Variants in SLC25A23 observed in about 807,000 individuals in gnomAD.
SLC25A23 encodes solute carrier family 25 member 23, also known as mitochondrial adenyl nucleotide antiporter SLC25A23.
SLC25A23 carries 32 observed loss-of-function variants against 53.9 expected under a neutral mutation model. The ratio of observed to expected loss-of-function variants is 0.59; its 90% CI spans 0.45 to 0.80. The LOEUF (loss-of-function observed/expected upper bound fraction) is 0.80, where lower values mean the gene tolerates loss of function less well. Ranked by LOEUF, SLC25A23 falls within the 30% of genes least tolerant of loss-of-function variation. SLC25A23 has a pLI of 0.00. For missense variants in SLC25A23, 575 were observed against 651.4 expected (o/e 0.88, Z 1.28); for synonymous variants, 275 against 264.5 (o/e 1.04, Z -0.38).
Position 6,458,266 on chromosome 19 carries a change from G to A in SLC25A23, c.215C>T (p.Ser72Phe). ...CTGTTCCCGCTCCTGCAGATAGCGG[G>A]AAAATTCCTCCAGGTCGAGCCCGCC... ...PDGGLDLEEF[S>F]RYLQEREQRL... is the part of the protein sequence containing the mutation. Residue 72 changes from serine to phenylalanine, a missense_variant, in exon 2 of 10, where the codon TCC becomes TTC. Ser to Phe is a radical substitution (Grantham distance 155, BLOSUM62 -2). Transcript: ENST00000301454. 1.1e-5 allele frequency: 17 copies of A among 1,613,630 alleles called. No individual in the cohort carries two copies. The highest frequency in any genetic ancestry group is 1.4e-5 in the Non-Finnish European group (17 of 1,179,980).
At position 6,443,177 on chromosome 19, in the gene SLC25A23, G is replaced by A. The variant is rs2092448933; in HGVS notation, c.1222+974C>T. ...TAGTCTCGAACTCCTGACCTCAGGT[G>A]ATCCACCCACCTAGGCCTCCCAAGG... On this transcript the variant is annotated intron_variant, in intron 9 of 9. Transcript: ENST00000301454. 5.3e-5 allele frequency among the ~76,000 whole-genome samples: 8 copies of A among 152,084 alleles called. No individual in the cohort carries two copies. In the South Asian group the frequency reaches 1.7e-3, roughly 32 times the overall value.
At chr19:6,443,791 A>T in intron 9 of SLC25A23, 1 of 602,242 alleles carries the variant, frequency 1.7e-6, no homozygotes, top group South Asian at 2.0e-5. Context: ...AGACAAAAAC[A>T]ATAACCACTC....
intron 7 of SLC25A23, 197 bp from the exon 8 acceptor site, chr19:6,452,676 C>T: frequency 1.8e-6 from 1 of 560,712 alleles, no homozygotes; most frequent in Admixed American, 3.8e-5. Flanking sequence ...AAAGTGCACA[C>T]ATGTGGCACC....
chr19:6,437,405 T>C (rs184274584), downstream of SLC25A23, among the ~76,000 whole-genome samples: 81 of 152,280 alleles, frequency 5.3e-4, no homozygotes, highest in Non-Finnish European at 1.0e-3. Flanking sequence ...CCCAGTAACC[T>C]GCAAATGTGA....
chr19:6,458,948 G>A (rs1211418617), intron 1 of SLC25A23, among the ~76,000 whole-genome samples: 4 of 152,214 alleles, frequency 2.6e-5, no homozygotes, highest in Non-Finnish European at 5.9e-5. Flanking sequence ...CTTGTTATAG[G>A]TGCATTCCCA....
At chr19:6,439,426 C>CACACACACACACACACACACAG (rs774234682), downstream of SLC25A23, among the ~76,000 whole-genome samples, 11 of 151,104 alleles carry the variant, frequency 7.3e-5, no homozygotes, top group African/African-American at 2.2e-4. Flanking sequence ...CACACACACA[C>CACACACACACACACACACACAG]ACACACACAG....
chr19:6,441,730 G>A lies in SLC25A23; in HGVS notation c.*245C>T. On this transcript the variant is annotated 3_prime_UTR_variant, in exon 10 of 10. Transcript: ENST00000301454. ...GGATCCACAGTTATGGTTACAGGGG[G>A]ATCTGGGATCTAGTGGCTGAAGGGT... 1 of 548,462 alleles carries A rather than the reference G, an allele frequency of 1.8e-6. No homozygotes were observed. Among genetic ancestry groups the A allele is most frequent in the Non-Finnish European group, 3.3e-6 (1 of 304,514 alleles). 34.0% of individuals were successfully genotyped at this position (548,462 alleles called of 1,614,324 possible). A position where few individuals can be genotyped will look rare whatever the true frequency, so the allele number is the denominator to read the frequency against.
downstream of SLC25A23, among the ~76,000 whole-genome samples, chr19:6,437,418 T>A (rs2092340267): frequency 6.6e-6 from 1 of 152,208 alleles, no homozygotes; most frequent in African/African-American, 2.4e-5. Flanking sequence ...AAATGTGACC[T>A]TATTTGGAAA....
In SLC25A23 at chr19:6,459,724, T is replaced by A. The variant is rs2092736563; in HGVS notation, c.-96A>T. On this transcript the variant is annotated 5_prime_UTR_variant, in exon 1 of 10. Transcript: ENST00000301454. The surrounding 1 kb of genome is among the most constrained non-coding windows in gnomAD (Gnocchi z 4.6). ...CCCCCCGGGACCCCGCAGGGTCAGC[T>A]CCCGCGGCCGCCGGCTCCGCAGCCT... The A allele has an allele frequency of 9.4e-7, 1 of 1,067,474 alleles. No individual in the cohort carries two copies. Among genetic ancestry groups the A allele is most frequent in the African/African-American group, 1.7e-5 (1 of 59,920 alleles). The allele number at this position is 1,067,474 out of a possible 1,614,324, so 66.1% of individuals were successfully genotyped here.
At chr19:6,445,254 G>A (rs192313807) in intron 8 of SLC25A23, among the ~76,000 whole-genome samples, 19 of 152,250 alleles carry the variant, frequency 1.2e-4, no homozygotes, top group African/African-American at 4.1e-4. Flanking sequence ...GATTACAAGC[G>A]TGTGCCATCA....
rs2092729107 is a variant in SLC25A23, at chr19:6,459,416, G to C, written c.156+57C>G. ...CTCCGGCCGCCCAGTTCAGGGGCTT[G>C]GGTAACCGGGAGCGGGCGGGGCCGG... On this transcript the variant is annotated intron_variant, in intron 1 of 9. Coordinates refer to ENST00000301454, the MANE Select transcript of SLC25A23 (RefSeq NM_024103.3). This position sits in a 1 kb window ranked among gnomAD's most constrained non-coding sequence, Gnocchi z 4.6. The C allele has an allele frequency of 4.1e-6, 6 of 1,477,978 alleles. No individual in the cohort carries two copies. Among genetic ancestry groups the C allele is most frequent in the South Asian group, 1.3e-5 (1 of 78,894 alleles). 91.6% of individuals were successfully genotyped at this position (1,477,978 alleles called of 1,614,324 possible). A position where few individuals can be genotyped will look rare whatever the true frequency, so the allele number is the denominator to read the frequency against.
chr19:6,455,458 C>T (rs1409768538), intron 4 of SLC25A23, among the ~76,000 whole-genome samples: 1 of 152,110 alleles, frequency 6.6e-6, no homozygotes, highest in Non-Finnish European at 1.5e-5. Context: ...ATCTCCTCCA[C>T]ATGGAGTCCC....
intron 2 of SLC25A23, 111 bp from the exon 3 acceptor site, chr19:6,457,701 G>T: frequency 1.1e-6 from 1 of 937,184 alleles, no homozygotes; most frequent in Non-Finnish European, 1.7e-6. Flanking sequence ...AAGATCAGGG[G>T]CTCCAGAAAC....
intron 9 of SLC25A23, among the ~76,000 whole-genome samples, chr19:6,443,307 C>T (rs1374748523): frequency 6.6e-6 from 1 of 152,112 alleles, no homozygotes; most frequent in African/African-American, 2.4e-5. Flanking sequence ...ATAATCATAG[C>T]TCACTGCAGC....
At chr19:6,457,893 G>A (rs2092703322) in intron 2 of SLC25A23, among the ~76,000 whole-genome samples, 1 of 152,086 alleles carries the variant, frequency 6.6e-6, no homozygotes, top group Admixed American at 6.6e-5. Flanking sequence ...CCCAGATGCT[G>A]CTATGAGGGG....
chr19:6,452,154 T>C (rs2092601577), intron 8 of SLC25A23, among the ~76,000 whole-genome samples, 158 bp downstream of exon 8: 1 of 151,946 alleles, frequency 6.6e-6, no homozygotes, highest in African/African-American at 2.4e-5. Flanking sequence ...CCTGGAAGGG[T>C]TCCCCAGGAT....
chr19:6,456,587 G>A, intron 3 of SLC25A23, 56 bp from the exon 4 acceptor site: 2 of 1,425,128 alleles, frequency 1.4e-6, no homozygotes, highest in Non-Finnish European at 2.0e-6. Flanking sequence ...GGGTGGGCTA[G>A]GCTGGGGTGA....
intron 8 of SLC25A23, among the ~76,000 whole-genome samples, chr19:6,447,783 G>C (rs2092528105): frequency 6.6e-6 from 1 of 152,188 alleles, no homozygotes. Flanking sequence ...AAATTCTCCT[G>C]TCTTAGCCTC....
chr19:6,439,399 T>TCACACACA (rs57370920), downstream of SLC25A23, among the ~76,000 whole-genome samples: 393 of 124,106 alleles, frequency 3.2e-3, no homozygotes, highest in East Asian at 7.6e-3. Flanking sequence ...TCTCTCTCTC[T>TCACACACA]CACACACACA....
Sources: allele counts gnomAD v4.1 joint callset (sites outside exome capture counted in the v4.1 genomes callset), GRCh38; gene constraint gnomAD v4.1.1; non-coding constraint Gnocchi (gnomAD v3.1); transcripts MANE v1.5; gene names NCBI Gene and HGNC (gene_info 2026-07-23, HGNC 2026-07-21).